The following VWC2L variants were observed in gnomAD, a reference collection of about 807,000 sequenced individuals.
VWC2L encodes the protein von Willebrand factor C domain containing 2 like.
VWC2L carries 10 observed loss-of-function variants against 21.6 expected under a neutral mutation model. The ratio of observed to expected loss-of-function variants is 0.46; its 90% CI spans 0.29 to 0.78. The LOEUF (loss-of-function observed/expected upper bound fraction) is 0.78. VWC2L is among the 30% of genes least tolerant of loss of function. VWC2L has a pLI of 0.10. For missense variants in VWC2L, 209 were observed against 277.1 expected (o/e 0.75, Z 1.74); for synonymous variants, 96 against 94.3 (o/e 1.02, Z -0.10).
intron 3 of VWC2L, among the ~76,000 whole-genome samples, chr2:214,567,849 A>T (rs1319308274): frequency 6.6e-6 from 1 of 152,084 alleles, no homozygotes; most frequent in Non-Finnish European, 1.5e-5. Context: ...CAGAAAAAAT[A>T]ATACTCATGA....
At chr2:214,519,956 T>G (rs1381488589) in intron 3 of VWC2L, among the ~76,000 whole-genome samples, 1 of 152,096 alleles carries the variant, frequency 6.6e-6, no homozygotes, top group African/African-American at 2.4e-5. Context: ...CACATTAAGA[T>G]GGCTCCACAA....
At chr2:214,537,135 T>C (rs1420269413) in intron 3 of VWC2L, among the ~76,000 whole-genome samples, 1 of 152,066 alleles carries the variant, frequency 6.6e-6, no homozygotes, top group Non-Finnish European at 1.5e-5. Flanking sequence ...AGATATACTC[T>C]ACACTGTCAA....
In VWC2L at chr2:214,466,211, C is replaced by T. The variant is rs115314980; in HGVS notation, c.520+29453C>T. Among the ~76,000 whole-genome samples, 1,079 of 152,220 alleles carry T rather than the reference C, an allele frequency of 7.1e-3. 10 individuals carry two copies. Among genetic ancestry groups the T allele is most frequent in the African/African-American group, 0.025 (1,023 of 41,534 alleles). ...CTTCTATTTGGCCATATTGTTCTAC[C>T]TCTCTCAGTAAACCTTTAGTTTTGA... On this transcript the variant is annotated intron_variant, in intron 3 of 3. Coordinates refer to ENST00000312504, the MANE Select transcript of VWC2L (RefSeq NM_001080500.4).
At chr2:214,506,972 T>TA (rs1398370921) in intron 3 of VWC2L, among the ~76,000 whole-genome samples, 1 of 30,742 alleles carries the variant, frequency 3.3e-5, no homozygotes, top group Non-Finnish European at 1.1e-3. Context: ...GAAAATTTTC[T>TA]AATTTTTAAA....
intron 3 of VWC2L, among the ~76,000 whole-genome samples, chr2:214,499,387 G>A (rs909267674): frequency 6.6e-6 from 1 of 151,744 alleles, no homozygotes; most frequent in African/African-American, 2.4e-5. Context: ...CTGCCATCAA[G>A]TTTAGATACC....
At chr2:214,502,395 C>G (rs1175701025) in intron 3 of VWC2L, among the ~76,000 whole-genome samples, 1 of 151,942 alleles carries the variant, frequency 6.6e-6, no homozygotes, top group Non-Finnish European at 1.5e-5. Context: ...TATGGTGAAA[C>G]CCCCCCTCTA....
chr2:214,427,568 T>C (rs1213379010), intron 2 of VWC2L, among the ~76,000 whole-genome samples: 2 of 152,144 alleles, frequency 1.3e-5, no homozygotes, highest in Non-Finnish European at 2.9e-5. Flanking sequence ...AGTGCAAACA[T>C]TGTTGTGTTT....
At chr2:214,444,275 T>C (rs1392146606) in intron 3 of VWC2L, among the ~76,000 whole-genome samples, 1 of 152,040 alleles carries the variant, frequency 6.6e-6, no homozygotes, top group Non-Finnish European at 1.5e-5. Context: ...AATTCTCATA[T>C]AGAAAGAGCT....
intron 3 of VWC2L, among the ~76,000 whole-genome samples, chr2:214,531,663 C>T (rs1177074169): frequency 2.0e-5 from 3 of 152,114 alleles, no homozygotes; most frequent in East Asian, 3.9e-4. Flanking sequence ...CCAGAGGTAC[C>T]GTGGCCCAAA....
chr2:214,557,053 GAGTA>G (rs1318980285), intron 3 of VWC2L, among the ~76,000 whole-genome samples: 2 of 152,120 alleles, frequency 1.3e-5, no homozygotes, highest in African/African-American at 2.4e-5. Context: ...GAGAGAGTGG[GAGTA>G]AGTGACATGC....
chr2:214,437,052 T>C (rs1013221296), intron 3 of VWC2L, among the ~76,000 whole-genome samples: 41 of 152,142 alleles, frequency 2.7e-4, no homozygotes, highest in Non-Finnish European at 5.3e-4. Flanking sequence ...TACCATCCTT[T>C]TGTAGTGACT....
chr2:214,424,825 T>C (rs950089958), intron 2 of VWC2L, among the ~76,000 whole-genome samples: 2 of 152,236 alleles, frequency 1.3e-5, no homozygotes, highest in Non-Finnish European at 2.9e-5. Flanking sequence ...TTTTAATATT[T>C]TGTCCTTTGT....
chr2:214,450,587 A>G (rs1702939069), intron 3 of VWC2L, among the ~76,000 whole-genome samples: 1 of 152,230 alleles, frequency 6.6e-6, no homozygotes, highest in Non-Finnish European at 1.5e-5. Context: ...TAGGTCATAA[A>G]ATATGGACCC....
At chr2:214,533,338 T>C (rs897500816) in intron 3 of VWC2L, among the ~76,000 whole-genome samples, 6 of 152,062 alleles carry the variant, frequency 3.9e-5, no homozygotes, top group Non-Finnish European at 2.9e-5. Flanking sequence ...GTTAGAATAA[T>C]TGAACAAGCC....
chr2:214,496,665 G>T (rs914803793), intron 3 of VWC2L, among the ~76,000 whole-genome samples: 1 of 152,180 alleles, frequency 6.6e-6, no homozygotes, highest in East Asian at 1.9e-4. Flanking sequence ...GAAATCTTAC[G>T]TGATTGTACT....
chr2:214,572,502 C>T (rs573589643), intron 3 of VWC2L, among the ~76,000 whole-genome samples: 33 of 152,230 alleles, frequency 2.2e-4, no homozygotes, highest in South Asian at 4.1e-4. Flanking sequence ...TCCCTTATTT[C>T]GACCAAGACA....
At chr2:214,494,754 G>T (rs2126202590) in intron 3 of VWC2L, among the ~76,000 whole-genome samples, 1 of 151,420 alleles carries the variant, frequency 6.6e-6, no homozygotes, top group East Asian at 1.9e-4. Context: ...TTACACAACT[G>T]TGTTTTTTTT....
At chr2:214,472,716 T>C (rs562700192) in intron 3 of VWC2L, among the ~76,000 whole-genome samples, 1 of 152,226 alleles carries the variant, frequency 6.6e-6, no homozygotes, top group Non-Finnish European at 1.5e-5. Context: ...ATTGGCACCA[T>C]TCTGGGCTGG....
chr2:214,435,483 G>C lies in VWC2L; in HGVS notation c.391-1146G>C, dbSNP rs557815879. Among the ~76,000 whole-genome samples the C allele has an allele frequency of 6.6e-5, 10 of 152,268 alleles. No individual in the cohort carries two copies. The East Asian group carries it at 1.7e-3, about 26-fold the overall frequency. ...ACAAAATGAATTTTTAAAATAATTA[G>C]TTGAAGGGTTTCCACTATAGACTGT... On this transcript the variant is annotated intron_variant, in intron 2 of 3. Coordinates refer to ENST00000312504, the MANE Select transcript of VWC2L (RefSeq NM_001080500.4).
Sources: gnomAD v4.1 joint callset for allele counts (sites outside exome capture counted in the v4.1 genomes callset) on GRCh38, gnomAD v4.1.1 for gene constraint, MANE v1.5 for transcripts, NCBI Gene and HGNC (gene_info 2026-07-23, HGNC 2026-07-21) for gene names.